Variants in NAV2 observed in about 807,000 individuals in gnomAD.
NAV2 encodes the protein neuron navigator 2.
NAV2 carries 54 observed loss-of-function variants against 223.2 expected under a neutral mutation model. That is an observed-to-expected ratio of 0.24 (90% CI 0.19 to 0.30). The LOEUF (loss-of-function observed/expected upper bound fraction) is 0.30. Among genes scored for constraint, NAV2 ranks in the 10% least tolerant of loss-of-function variants. NAV2 has a pLI of 1.00. For missense variants in NAV2, 2,806 were observed against 3,147.5 expected, an observed-to-expected ratio of 0.89 and a Z score of 2.60; for synonymous variants, 1,279 against 1,239.3, an observed-to-expected ratio of 1.03 and a Z score of -0.67.
chr11:19,532,153 A>G (rs944659950), intron 1 of NAV2, among the ~76,000 whole-genome samples: 4 of 152,182 alleles, frequency 2.6e-5, no homozygotes, highest in African/African-American at 9.7e-5. Flanking sequence ...AGCCCAGTGG[A>G]AAGTTGGGCA....
intron 6 of NAV2, among the ~76,000 whole-genome samples, chr11:19,904,241 C>T (rs976019180): frequency 4.6e-5 from 7 of 152,124 alleles, no homozygotes; most frequent in African/African-American, 1.2e-4. Context: ...ATTCATGTGT[C>T]TGAGGTTATT....
intron 1 of NAV2, among the ~76,000 whole-genome samples, chr11:19,623,221 G>A (rs1038851735): frequency 1.3e-5 from 2 of 151,984 alleles, no homozygotes; most frequent in South Asian, 2.1e-4. Context: ...TTCAACTTTG[G>A]TGAATCTGAC....
intron 10 of NAV2, among the ~76,000 whole-genome samples, chr11:19,976,321 G>A (rs897463249): frequency 1.3e-5 from 2 of 152,118 alleles, no homozygotes; most frequent in Admixed American, 6.5e-5. Context: ...GCAGGTAGAT[G>A]GAGAGGCGTG....
At chr11:19,375,825 G>A (rs1219275812) in intron 1 of NAV2, among the ~76,000 whole-genome samples, 6 of 152,124 alleles carry the variant, frequency 3.9e-5, no homozygotes, top group Non-Finnish European at 7.3e-5. Flanking sequence ...TTCTGGTGGC[G>A]ATGGTGGGGG....
chr11:19,544,096 C>A (rs2044416826), intron 1 of NAV2, among the ~76,000 whole-genome samples: 1 of 152,178 alleles, frequency 6.6e-6, no homozygotes, highest in Non-Finnish European at 1.5e-5. Context: ...CTGTGCCTGG[C>A]ACATAGTAAG....
intron 1 of NAV2, among the ~76,000 whole-genome samples, chr11:19,501,264 T>C (rs1238401988): frequency 6.6e-6 from 1 of 152,184 alleles, no homozygotes; most frequent in Admixed American, 6.5e-5. Context: ...TTTAATTACA[T>C]TTGCACAGTC....
At chr11:19,441,034 AAAG>A (rs960857931) in intron 1 of NAV2, among the ~76,000 whole-genome samples, 3 of 152,242 alleles carry the variant, frequency 2.0e-5, no homozygotes, top group African/African-American at 7.2e-5. Context: ...CACATGATAC[AAAG>A]AAGATGTACA....
At chr11:19,852,558 A>C (rs532617495) in intron 3 of NAV2, among the ~76,000 whole-genome samples, 3 of 152,294 alleles carry the variant, frequency 2.0e-5, no homozygotes, top group African/African-American at 7.2e-5. Context: ...CATCTTCTGG[A>C]CCTCTTTGCC....
intron 11 of NAV2, among the ~76,000 whole-genome samples, chr11:20,026,937 G>C (rs529349520): frequency 6.6e-6 from 1 of 152,268 alleles, no homozygotes; most frequent in South Asian, 2.1e-4. Context: ...AATAAGTGTT[G>C]GTGATTATTT....
chr11:20,036,656 A>G (rs531707951), intron 12 of NAV2, among the ~76,000 whole-genome samples: 1 of 152,340 alleles, frequency 6.6e-6, no homozygotes, highest in Admixed American at 6.5e-5. Context: ...ATTCCCTGTC[A>G]AATTTTTAGA....
intron 11 of NAV2, among the ~76,000 whole-genome samples, chr11:19,986,868 A>C (rs1227899312): frequency 2.6e-5 from 4 of 152,196 alleles, no homozygotes; most frequent in Non-Finnish European, 5.9e-5. Context: ...GAAATAGTAC[A>C]TTTGTTTCTG....
intron 6 of NAV2, among the ~76,000 whole-genome samples, chr11:19,911,027 G>GC (rs1226309834): frequency 2.1e-5 from 3 of 145,882 alleles, no homozygotes; most frequent in African/African-American, 8.0e-5. Flanking sequence ...CATTTTGCAA[G>GC]CACATTTTTT....
At chr11:20,031,763 C>T (rs1181311499) in intron 11 of NAV2, among the ~76,000 whole-genome samples, 1 of 148,164 alleles carries the variant, frequency 6.7e-6, no homozygotes, top group Non-Finnish European at 1.5e-5. Flanking sequence ...TGTGTGTGTG[C>T]TTCATTCTTC....
intron 4 of NAV2, among the ~76,000 whole-genome samples, 162 bp downstream of exon 4, chr11:19,869,159 C>T (rs11025302): frequency 0.15 from 22,249 of 152,094 alleles, 1,681 homozygotes; most frequent in Middle Eastern, 0.17. Flanking sequence ...TTGAGGATGC[C>T]AAGGACTCAC....
At chr11:20,062,632 T>G (rs1275222394) in intron 20 of NAV2, among the ~76,000 whole-genome samples, 1 of 152,262 alleles carries the variant, frequency 6.6e-6, no homozygotes, top group African/African-American at 2.4e-5. Flanking sequence ...CACCTGCTGA[T>G]GGACTTGGAA....
intron 1 of NAV2, among the ~76,000 whole-genome samples, chr11:19,678,037 C>T (rs1463397007): frequency 6.6e-6 from 1 of 152,180 alleles, no homozygotes; most frequent in Non-Finnish European, 1.5e-5. Flanking sequence ...AGGTTGGGGA[C>T]TGGCCAGAGA....
chr11:19,381,503 A>T (rs1380286655), intron 1 of NAV2, among the ~76,000 whole-genome samples: 1 of 152,232 alleles, frequency 6.6e-6, no homozygotes, highest in Non-Finnish European at 1.5e-5. Flanking sequence ...GGAGTAGTTT[A>T]TGAAACATAC....
chr11:19,921,217 A>C (rs1490927531), intron 6 of NAV2, among the ~76,000 whole-genome samples: 5 of 152,198 alleles, frequency 3.3e-5, no homozygotes, highest in African/African-American at 1.2e-4. Flanking sequence ...AATCAGGATA[A>C]ATGACTCCTT....
At chr11:19,799,265 G>A (rs909469635) in intron 1 of NAV2, among the ~76,000 whole-genome samples, 2 of 152,164 alleles carry the variant, frequency 1.3e-5, no homozygotes, top group Non-Finnish European at 2.9e-5. Context: ...GCCACAGGTG[G>A]GGAACTGCCA....
Sources: gnomAD v4.1 joint callset for allele counts (sites outside exome capture counted in the v4.1 genomes callset) on GRCh38, gnomAD v4.1.1 for gene constraint, MANE v1.5 for transcripts, NCBI Gene and HGNC (gene_info 2026-07-23, HGNC 2026-07-21) for gene names.